MREG: variants seen among roughly 807,000 people sequenced by gnomAD.
The protein encoded by MREG is melanoregulin, also known as dilute suppressor protein homolog.
Under a neutral mutation model 28.5 loss-of-function variants are expected in MREG, and 31 were observed. The ratio of observed to expected loss-of-function variants is 1.09; its 90% confidence interval spans 0.82 to 1.47. The LOEUF (loss-of-function observed/expected upper bound fraction) is 1.47, where lower values mean the gene tolerates loss of function less well. Among genes scored for constraint, MREG ranks in the 40% most tolerant of loss-of-function variants. MREG has a pLI of 0.00. For synonymous variants in MREG, 106 were observed against 95.2 expected, an observed-to-expected ratio of 1.11 and a Z score of -0.66; for missense variants, 256 against 257.4, an observed-to-expected ratio of 0.99 and a Z score of 0.04.
At chr2:215,958,537 C>T (rs1449047021) in intron 2 of MREG, among the ~76,000 whole-genome samples, 1 of 152,340 alleles carries the variant, frequency 6.6e-6, no homozygotes, top group Admixed American at 6.5e-5. Context: ...GCAGCCACAG[C>T]GCTCTGCCCT....
At position 215,943,598 on chromosome 2, in the gene MREG, T is replaced by C; in HGVS notation, c.*1265A>G. 2.4e-6 allele frequency: 1 copy of C among 423,346 alleles called. No individual in the cohort carries two copies. The highest frequency in any genetic ancestry group is 4.8e-6 in the Non-Finnish European group (1 of 210,006). The allele number at this position is 423,346 out of a possible 1,614,324, so 26.2% of individuals were successfully genotyped here. On this transcript the variant is annotated 3_prime_UTR_variant, in exon 5 of 5. Coordinates refer to ENST00000263268, the MANE Select transcript of MREG (RefSeq NM_018000.3). ...GACTCACGCCTGTAATCCCAGCACTTTGGGAGGCTGGGGCAGGCGGATGAC... is the reference window on the plus strand; with the variant it reads ...GACTCACGCCTGTAATCCCAGCACTCTGGGAGGCTGGGGCAGGCGGATGAC...
chr2:216,003,831 A>C (rs1378187379), intron 1 of MREG, among the ~76,000 whole-genome samples: 5 of 151,976 alleles, frequency 3.3e-5, no homozygotes, highest in Non-Finnish European at 7.4e-5. Flanking sequence ...CACCTCTACC[A>C]CTACACCCTG....
At chr2:215,985,535 AT>A (rs1693545062) in intron 2 of MREG, among the ~76,000 whole-genome samples, 1 of 152,076 alleles carries the variant, frequency 6.6e-6, no homozygotes. Flanking sequence ...GTTGTTTTGT[AT>A]TTTTTTGACA....
At chr2:215,971,701 G>A (rs1693101378) in intron 2 of MREG, among the ~76,000 whole-genome samples, 1 of 152,180 alleles carries the variant, frequency 6.6e-6, no homozygotes, top group African/African-American at 2.4e-5. Context: ...AGGAGCAGAG[G>A]TCCTGCCTGC....
chr2:215,995,626 C>G (rs906807628), intron 2 of MREG, among the ~76,000 whole-genome samples: 1 of 151,780 alleles, frequency 6.6e-6, no homozygotes, highest in Non-Finnish European at 1.5e-5. Flanking sequence ...TCAGAGGTAG[C>G]TGATGAACAC....
downstream of MREG, among the ~76,000 whole-genome samples, chr2:215,941,328 C>T (rs1237551192): frequency 6.6e-6 from 1 of 152,150 alleles, no homozygotes; most frequent in African/African-American, 2.4e-5. Flanking sequence ...AGGCAGACTA[C>T]CATTGGGTAG....
At position 215,990,587 on chromosome 2, in the gene MREG, A is replaced by G. The variant is rs534068291; in HGVS notation, c.255+5719T>C. Among the ~76,000 whole-genome samples, 3 of 152,352 alleles carry G rather than the reference A, an allele frequency of 2.0e-5. No homozygotes were observed. The East Asian group carries it at 5.8e-4, about 29-fold the overall frequency. On this transcript the variant is annotated intron_variant, in intron 2 of 4. Coordinates refer to ENST00000263268, the MANE Select transcript of MREG (RefSeq NM_018000.3). ...AAATAGGCTAAATGCCCCAATTAAAAGACACAGACTGGCAAATTGGATAAA... is the reference window on the plus strand; with the variant it reads ...AAATAGGCTAAATGCCCCAATTAAAGGACACAGACTGGCAAATTGGATAAA...
At chr2:215,960,502 T>C (rs973953355) in intron 2 of MREG, among the ~76,000 whole-genome samples, 4 of 152,328 alleles carry the variant, frequency 2.6e-5, no homozygotes, top group Middle Eastern at 3.4e-3. Flanking sequence ...CCACTTGGGC[T>C]ATAATCCATG....
chr2:216,001,562 G>A (rs1694013729), intron 1 of MREG, among the ~76,000 whole-genome samples: 1 of 152,192 alleles, frequency 6.6e-6, no homozygotes, highest in African/African-American at 2.4e-5. Flanking sequence ...CTCCTGCTTT[G>A]TTCTTATTCA....
chr2:215,956,353 ACCTACCTACCTT>A (rs929955766), intron 2 of MREG, among the ~76,000 whole-genome samples: 2 of 152,170 alleles, frequency 1.3e-5, no homozygotes, highest in African/African-American at 4.8e-5. Flanking sequence ...CTATCTATCT[ACCTACCTACCTT>A]CCTACCTACC....
In MREG at chr2:216,013,418, TC is replaced by T; in HGVS notation, c.-92del. Reference sequence around the variant, plus strand: ...CTGGGGCGCGGCCACCGCGCCAGCGTCCAGGTGCGGGGACAGCGGCAGCCCG... The same window carrying T: ...CTGGGGCGCGGCCACCGCGCCAGCGTCAGGTGCGGGGACAGCGGCAGCCCG... On this transcript the variant is annotated 5_prime_UTR_variant, in exon 1 of 5. Transcript: ENST00000263268. The T allele has an allele frequency of 1.1e-6, 1 of 918,876 alleles. No homozygotes were observed. Among genetic ancestry groups the T allele is most frequent in the Non-Finnish European group, 1.4e-6 (1 of 694,398 alleles). 56.9% of individuals were successfully genotyped at this position (918,876 alleles called of 1,614,324 possible). A position where few individuals can be genotyped will look rare whatever the true frequency, so the allele number is the denominator to read the frequency against.
chr2:215,967,759 A>G (rs1217002198), intron 2 of MREG, among the ~76,000 whole-genome samples: 1 of 152,186 alleles, frequency 6.6e-6, no homozygotes, highest in South Asian at 2.1e-4. Context: ...TCAGTATGTA[A>G]CCTCATGGGC....
At chr2:216,027,130 C>G (rs1694608624) in intron 1 of MREG, among the ~76,000 whole-genome samples, 1 of 152,148 alleles carries the variant, frequency 6.6e-6, no homozygotes, top group African/African-American at 2.4e-5. Flanking sequence ...ACCCTCCAAA[C>G]AATTCAAAGA....
At chr2:215,958,838 T>A (rs1574600403) in intron 2 of MREG, among the ~76,000 whole-genome samples, 1 of 152,326 alleles carries the variant, frequency 6.6e-6, no homozygotes, top group East Asian at 1.9e-4. Context: ...CTTCTTAACA[T>A]GCTTTCTAGG....
chr2:216,021,609 A>G (rs1205777551), intron 1 of MREG, among the ~76,000 whole-genome samples: 1 of 151,950 alleles, frequency 6.6e-6, no homozygotes, highest in Non-Finnish European at 1.5e-5. Flanking sequence ...CCTTTTCCAG[A>G]GGCTTGGGAA....
chr2:216,004,525 C>T (rs1694100637), intron 1 of MREG, among the ~76,000 whole-genome samples: 1 of 147,148 alleles, frequency 6.8e-6, no homozygotes, highest in African/African-American at 2.6e-5. Context: ...GCCTAAACGA[C>T]AGAGTTAGAC....
intron 1 of MREG, among the ~76,000 whole-genome samples, chr2:216,030,376 T>G (rs1484058772): frequency 6.6e-6 from 1 of 152,202 alleles, no homozygotes; most frequent in East Asian, 1.9e-4. Context: ...TTGAACAAGT[T>G]TCTTGACCTG....
At chr2:215,956,484 CT>C (rs1396229446) in intron 2 of MREG, among the ~76,000 whole-genome samples, 1 of 152,086 alleles carries the variant, frequency 6.6e-6, no homozygotes, top group African/African-American at 2.4e-5. Context: ...TCAAAAGAGC[CT>C]GTAGAAATTA....
At chr2:215,980,463 G>T (rs1378397663) in intron 2 of MREG, among the ~76,000 whole-genome samples, 1 of 152,214 alleles carries the variant, frequency 6.6e-6, no homozygotes, top group Non-Finnish European at 1.5e-5. Flanking sequence ...CGGCCAAGCA[G>T]CTTCGAGGGA....
Sources: gnomAD v4.1 joint callset for allele counts (sites outside exome capture counted in the v4.1 genomes callset) on GRCh38, gnomAD v4.1.1 for gene constraint, MANE v1.5 for transcripts, NCBI Gene and HGNC (gene_info 2026-07-23, HGNC 2026-07-21) for gene names.